The following HIRA variants were observed in gnomAD, a reference collection of about 807,000 sequenced individuals.
HIRA encodes the protein histone cell cycle regulator.
In HIRA, 13 loss-of-function variants were observed where a neutral mutation model predicts 126.6. The ratio of observed to expected loss-of-function variants is 0.10; its 90% CI spans 0.07 to 0.16. The LOEUF is 0.16. HIRA is among the 10% of genes least tolerant of loss of function. The pLI is 1.00. For synonymous variants in HIRA, 511 were observed against 520.0 expected (o/e 0.98, Z 0.24); for missense variants, 834 against 1,314.4 (o/e 0.63, Z 5.65).
chr22:19,405,896 G>T lies in HIRA; in HGVS notation c.303-16C>A, dbSNP rs2089304442. 2.1e-6 allele frequency: 3 copies of T among 1,441,466 alleles called. No individual in the cohort carries two copies. The highest frequency in any genetic ancestry group is 2.8e-6 in the Non-Finnish European group (3 of 1,086,082). The allele number at this position is 1,441,466 out of a possible 1,614,324, so 89.3% of individuals were successfully genotyped here. A position where few individuals can be genotyped will look rare whatever the true frequency, so the allele number is the denominator to read the frequency against. On this transcript the variant is annotated splice_polypyrimidine_tract_variant and intron_variant, in intron 4 of 24. Coordinates refer to ENST00000263208, the MANE Select transcript of HIRA (RefSeq NM_003325.4). ...GCCGATGTACCTGTGTGAGAAAGGG[G>T]CCAAAAAGGCACTCATGGAGTGCTC...
At chr22:19,409,990 C>A (rs1402188295) in intron 2 of HIRA, among the ~76,000 whole-genome samples, 1 of 152,210 alleles carries the variant, frequency 6.6e-6, no homozygotes. Flanking sequence ...GGCCTGAGGA[C>A]CTAGAGCTCA....
intron 1 of HIRA, among the ~76,000 whole-genome samples, chr22:19,417,924 G>C (rs992242176): frequency 6.6e-6 from 1 of 152,172 alleles, no homozygotes; most frequent in African/African-American, 2.4e-5. Context: ...GCCTTAAAAA[G>C]GAAAGTAGTT....
chr22:19,357,462 C>A (rs2088823708), intron 18 of HIRA, among the ~76,000 whole-genome samples: 1 of 152,214 alleles, frequency 6.6e-6, no homozygotes, highest in Admixed American at 6.5e-5. Context: ...ACAAGGCAGG[C>A]TAAGAGAAGT....
intron 24 of HIRA, among the ~76,000 whole-genome samples, chr22:19,347,272 G>A (rs1419231120): frequency 6.6e-6 from 1 of 152,166 alleles, no homozygotes; most frequent in East Asian, 1.9e-4. Flanking sequence ...ACTACAACCT[G>A]ATAACCAAGG....
intron 4 of HIRA, 128 bp from the exon 5 acceptor site, chr22:19,406,008 G>T: frequency 6.3e-6 from 3 of 475,174 alleles, no homozygotes. Flanking sequence ...GAAAGCACTG[G>T]GTTGTTGAAT....
intron 7 of HIRA, 41 bp from the exon 8 acceptor site, chr22:19,394,550 C>A: frequency 6.3e-7 from 1 of 1,593,180 alleles, no homozygotes; most frequent in South Asian, 1.1e-5. Context: ...TCAAGGCCAC[C>A]TTTGTGACCA....
intron 15 of HIRA, among the ~76,000 whole-genome samples, chr22:19,367,057 C>T (rs2088920595): frequency 6.6e-6 from 1 of 152,168 alleles, no homozygotes; most frequent in Admixed American, 6.5e-5. Flanking sequence ...GCCACTGCAC[C>T]TGGCCTTTAT....
chr22:19,388,595 A>G (rs1282563884), intron 9 of HIRA, 41 bp from the exon 10 acceptor site: 1 of 1,521,738 alleles, frequency 6.6e-7, no homozygotes, highest in South Asian at 1.1e-5. Flanking sequence ...AAATTACTGA[A>G]ATCCCCTTCT....
rs186553053 is a variant in HIRA at position 19,379,848 on chromosome 22, C to T, written c.1416-1782G>A. 3.9e-3 allele frequency among the ~76,000 whole-genome samples: 593 copies of T among 151,742 alleles called. 4 individuals are homozygous for T. The highest frequency in any genetic ancestry group is 0.014 in the African/African-American group (573 of 41,394). On this transcript the variant is annotated intron_variant, in intron 13 of 24. Transcript: ENST00000263208. ...TTTTTGAGACGAAGTCTCGCTGTGTCGCCAGGCTGGAGTGCAGTGGCGCAA... is the reference window on the plus strand; with the variant it reads ...TTTTTGAGACGAAGTCTCGCTGTGTTGCCAGGCTGGAGTGCAGTGGCGCAA...
intron 1 of HIRA, among the ~76,000 whole-genome samples, chr22:19,421,395 G>A (rs1180794600): frequency 1.3e-5 from 2 of 152,092 alleles, no homozygotes; most frequent in Non-Finnish European, 2.9e-5. Flanking sequence ...AAAGACATTG[G>A]ATTTGCTATG....
intron 6 of HIRA, 112 bp downstream of exon 6, chr22:19,397,880 G>C: frequency 1.5e-6 from 1 of 660,246 alleles, no homozygotes; most frequent in Non-Finnish European, 2.7e-6. Context: ...ATAAATCCTA[G>C]GCCACTGTGA....
intron 1 of HIRA, among the ~76,000 whole-genome samples, chr22:19,414,927 C>G (rs2089383462): frequency 7.1e-6 from 1 of 141,526 alleles, no homozygotes; most frequent in African/African-American, 2.8e-5. Context: ...TGGGTGCAAA[C>G]AACACAAACT....
intron 13 of HIRA, among the ~76,000 whole-genome samples, chr22:19,381,581 T>C (rs1293727788): frequency 2.3e-5 from 3 of 129,408 alleles, no homozygotes; most frequent in Admixed American, 7.0e-5. Flanking sequence ...TAGAATTAAA[T>C]AGTTACCTAA....
chr22:19,371,228 C>T (rs966329247), intron 15 of HIRA, among the ~76,000 whole-genome samples: 6 of 152,176 alleles, frequency 3.9e-5, no homozygotes, highest in African/African-American at 4.8e-5. Flanking sequence ...ACAACTACCC[C>T]GCAGCACATC....
chr22:19,409,196 C>A (rs2089331196), intron 2 of HIRA, among the ~76,000 whole-genome samples: 1 of 152,126 alleles, frequency 6.6e-6, no homozygotes, highest in Non-Finnish European at 1.5e-5. Context: ...CGAGAGACCA[C>A]CAAAAGAGGG....
At chr22:19,337,321 A>G (rs2088578013) in intron 24 of HIRA, among the ~76,000 whole-genome samples, 1 of 152,022 alleles carries the variant, frequency 6.6e-6, no homozygotes, top group Non-Finnish European at 1.5e-5. Flanking sequence ...AAAAAATCAA[A>G]AATCAAAACT....
chr22:19,402,355 G>A (rs559666185), intron 5 of HIRA, among the ~76,000 whole-genome samples: 36 of 152,266 alleles, frequency 2.4e-4, no homozygotes, highest in East Asian at 1.3e-3. Context: ...ATCTTAAAAC[G>A]TTTGTGATTT....
intron 8 of HIRA, among the ~76,000 whole-genome samples, chr22:19,393,201 G>A (rs1016012743): frequency 6.6e-6 from 1 of 152,106 alleles, no homozygotes; most frequent in Non-Finnish European, 1.5e-5. Flanking sequence ...ATCACGTAGA[G>A]CACTAACCAT....
In HIRA at chr22:19,427,071, A is replaced by C. The variant is rs182281353; in HGVS notation, c.37+4369T>G. On this transcript the variant is annotated intron_variant, in intron 1 of 24. Transcript: ENST00000263208. The stretch of plus-strand genomic sequence containing the variant: ...AAGACAAATACACCAAAAGGCAAAT[A>C]ACTTATTCAGAGCGGGGTTTCTCAC... Among the ~76,000 whole-genome samples, 6 of 152,328 alleles carry C rather than the reference A, an allele frequency of 3.9e-5. No homozygotes were observed. The East Asian group carries it at 1.2e-3, about 29-fold the overall frequency.
Sources: gnomAD v4.1 joint callset for allele counts (sites outside exome capture counted in the v4.1 genomes callset) on GRCh38, gnomAD v4.1.1 for gene constraint, MANE v1.5 for transcripts, NCBI Gene and HGNC (gene_info 2026-07-23, HGNC 2026-07-21) for gene names.